Variants in TRAPPC9 observed in about 807,000 individuals in gnomAD.
The protein encoded by TRAPPC9 is IKK2 binding protein.
In TRAPPC9, 83 loss-of-function variants were observed where a neutral mutation model predicts 124.0. The ratio of observed to expected loss-of-function variants is 0.67; its 90% CI spans 0.56 to 0.80. The LOEUF is 0.80. TRAPPC9 is among the 30% of genes least tolerant of loss of function. The pLI is 0.00. For synonymous variants in TRAPPC9, 638 were observed against 617.5 expected, an observed-to-expected ratio of 1.03 and a Z score of -0.49; for missense variants, 1,302 against 1,508.3, an observed-to-expected ratio of 0.86 and a Z score of 2.27.
At chr8:140,361,826 C>T (rs747048975) in intron 8 of TRAPPC9, among the ~76,000 whole-genome samples, 3 of 152,314 alleles carry the variant, frequency 2.0e-5, no homozygotes, top group Admixed American at 6.5e-5. Flanking sequence ...CAGGGCCTGA[C>T]GTGAGACTGG....
chr8:140,300,641 C>T (rs1346298045), intron 10 of TRAPPC9, 27 bp from the exon 11 acceptor site: 6 of 1,614,068 alleles, frequency 3.7e-6, no homozygotes, highest in East Asian at 2.2e-5. Context: ...AACACAAATA[C>T]TTCAACTGTC....
At chr8:140,321,678 G>A (rs553286810) in intron 9 of TRAPPC9, among the ~76,000 whole-genome samples, 72 of 152,288 alleles carry the variant, frequency 4.7e-4, no homozygotes, top group African/African-American at 8.9e-4. Context: ...CACTTTCACC[G>A]CCTGCATGTA....
chr8:140,374,165 T>A (rs1395751581), intron 7 of TRAPPC9, among the ~76,000 whole-genome samples: 1 of 152,218 alleles, frequency 6.6e-6, no homozygotes, highest in Non-Finnish European at 1.5e-5. Context: ...TATTCAAATT[T>A]GAGTAGGACA....
At chr8:140,169,690 T>C (rs540623106) in intron 17 of TRAPPC9, among the ~76,000 whole-genome samples, 26 of 152,286 alleles carry the variant, frequency 1.7e-4, no homozygotes, top group African/African-American at 2.9e-4. Context: ...ATTCCGTTTA[T>C]AGGAAACATT....
intron 17 of TRAPPC9, among the ~76,000 whole-genome samples, chr8:140,189,508 T>A (rs534137955): frequency 6.6e-6 from 1 of 152,316 alleles, no homozygotes; most frequent in South Asian, 2.1e-4. Flanking sequence ...AGAAAATGCT[T>A]ATAACATAAT....
chr8:140,077,689 C>T (rs1320068110), intron 17 of TRAPPC9, among the ~76,000 whole-genome samples: 2 of 152,166 alleles, frequency 1.3e-5, no homozygotes, highest in African/African-American at 2.4e-5. Flanking sequence ...CCACTGTGGA[C>T]ATCAGGAGTC....
intron 9 of TRAPPC9, among the ~76,000 whole-genome samples, chr8:140,333,906 A>C (rs1458342839): frequency 6.6e-6 from 1 of 152,258 alleles, no homozygotes; most frequent in Non-Finnish European, 1.5e-5. Context: ...GATGTTTTAC[A>C]AACAACAGCT....
intron 12 of TRAPPC9, 23 bp from the exon 13 acceptor site, chr8:140,287,757 G>A (rs555675178): frequency 3.0e-5 from 49 of 1,613,736 alleles, no homozygotes; most frequent in Middle Eastern, 1.6e-4. Flanking sequence ...ACGCAGCATC[G>A]TAAGCCCGGA....
intron 18 of TRAPPC9, among the ~76,000 whole-genome samples, chr8:140,000,497 A>G (rs538569687): frequency 6.6e-6 from 1 of 152,366 alleles, no homozygotes; most frequent in Admixed American, 6.5e-5. Context: ...ACAAAGGGCT[A>G]ATATCCAGAA....
chr8:140,101,682 A>T (rs374615533), intron 17 of TRAPPC9, among the ~76,000 whole-genome samples: 9 of 150,946 alleles, frequency 6.0e-5, no homozygotes, highest in African/African-American at 2.2e-4. Flanking sequence ...AGCTGGGATT[A>T]CAGGCATGCA....
At chr8:140,458,133 G>A (rs1216857099), upstream of TRAPPC9, 8 of 1,443,270 alleles carry the variant, frequency 5.5e-6, no homozygotes, top group African/African-American at 1.6e-5. Context: ...AAGGAGGGAG[G>A]AAGAGGAGGA....
At chr8:139,841,869 AAC>A (rs772032664) in intron 21 of TRAPPC9, among the ~76,000 whole-genome samples, 27 of 152,254 alleles carry the variant, frequency 1.8e-4, no homozygotes, top group Non-Finnish European at 3.8e-4. Context: ...CTGCCTGCAC[AAC>A]ACAGGGAACT....
chr8:139,982,909 C>T lies in TRAPPC9; in HGVS notation c.2810+5817G>A, dbSNP rs377748205. Among the ~76,000 whole-genome samples, 8 of 152,340 alleles carry T rather than the reference C, an allele frequency of 5.3e-5. No individual in the cohort carries two copies. The South Asian group carries it at 1.7e-3, about 32-fold the overall frequency. The stretch of plus-strand genomic sequence containing the variant: ...CACACTCCCCTCCACCATGCTGCTC[C>T]CCCTGCCTGCACGGCTCTCCCTGGC... On this transcript the variant is annotated intron_variant, in intron 19 of 22. Transcript: ENST00000438773.
intron 5 of TRAPPC9, among the ~76,000 whole-genome samples, chr8:140,417,005 T>C (rs2069956891): frequency 6.6e-6 from 1 of 152,200 alleles, no homozygotes; most frequent in Non-Finnish European, 1.5e-5. Flanking sequence ...TTGGGAAAAC[T>C]GGCTAGCCAT....
At chr8:140,226,591 C>CAAA (rs35750675) in intron 16 of TRAPPC9, among the ~76,000 whole-genome samples, 1 of 103,294 alleles carries the variant, frequency 9.7e-6, no homozygotes, top group African/African-American at 4.4e-5. Flanking sequence ...GACTCGGTCT[C>CAAA]AAAAAAAAAA....
intron 19 of TRAPPC9, among the ~76,000 whole-genome samples, chr8:139,969,571 T>A (rs892886349): frequency 6.6e-6 from 1 of 152,196 alleles, no homozygotes; most frequent in East Asian, 1.9e-4. Flanking sequence ...CTAGCAGGAA[T>A]ATGACAAGGA....
At chr8:140,039,899 T>C (rs1388526033) in intron 17 of TRAPPC9, 1 of 152,182 alleles carries the variant, frequency 6.6e-6, no homozygotes, top group Non-Finnish European at 1.5e-5. Flanking sequence ...AATTACATGG[T>C]GAGCATGTTC....
chr8:139,809,322 T>C (rs1345612645), intron 21 of TRAPPC9, among the ~76,000 whole-genome samples: 1 of 152,148 alleles, frequency 6.6e-6, no homozygotes, highest in East Asian at 1.9e-4. Context: ...GCACGGGGAA[T>C]GGGAGTGAAG....
At chr8:140,165,956 T>C (rs1287740053) in intron 17 of TRAPPC9, among the ~76,000 whole-genome samples, 1 of 152,156 alleles carries the variant, frequency 6.6e-6, no homozygotes, top group Non-Finnish European at 1.5e-5. Flanking sequence ...CTAAGCGCCA[T>C]GATCCTGCCT....
Sources: gnomAD v4.1 joint callset for allele counts (sites outside exome capture counted in the v4.1 genomes callset) on GRCh38, gnomAD v4.1.1 for gene constraint, MANE v1.5 for transcripts, NCBI Gene and HGNC (gene_info 2026-07-23, HGNC 2026-07-21) for gene names.